Variants in SNTG1 observed in about 807,000 individuals in gnomAD.
The protein encoded by SNTG1 is syntrophin gamma 1.
Under a neutral mutation model 74.7 loss-of-function variants are expected in SNTG1, and 39 were observed. The observed-to-expected ratio is 0.52, with a 90% CI of 0.40 to 0.68. The LOEUF is 0.68. Among genes scored for constraint, SNTG1 ranks in the 30% least tolerant of loss-of-function variants. The pLI is 0.00. For synonymous variants in SNTG1, 254 were observed against 217.1 expected (o/e 1.17, Z -1.49); for missense variants, 685 against 609.5 (o/e 1.12, Z -1.30).
intron 2 of SNTG1, among the ~76,000 whole-genome samples, chr8:50,191,967 G>A (rs560153452): frequency 4.0e-4 from 61 of 152,182 alleles, no homozygotes; most frequent in Admixed American, 9.2e-4. Context: ...TTAAACTAAA[G>A]AGCTTTTGCA....
At chr8:50,437,999 T>A (rs2093321808) in intron 4 of SNTG1, among the ~76,000 whole-genome samples, 1 of 152,186 alleles carries the variant, frequency 6.6e-6, no homozygotes, top group Admixed American at 6.5e-5. Context: ...AATTTATTCA[T>A]TTTATGAACA....
At chr8:50,339,061 T>C (rs1315685660) in intron 2 of SNTG1, among the ~76,000 whole-genome samples, 2 of 152,078 alleles carry the variant, frequency 1.3e-5, no homozygotes, top group African/African-American at 4.8e-5. Flanking sequence ...AAAAATCACC[T>C]TACTTAGAGA....
At chr8:50,352,120 G>T (rs1399585572) in intron 2 of SNTG1, among the ~76,000 whole-genome samples, 1 of 152,168 alleles carries the variant, frequency 6.6e-6, no homozygotes, top group Non-Finnish European at 1.5e-5. Context: ...AGACTTCAGT[G>T]ATCTTATTTC....
intron 1 of SNTG1, among the ~76,000 whole-genome samples, chr8:50,158,432 T>C (rs1407248082): frequency 1.3e-5 from 2 of 152,090 alleles, no homozygotes; most frequent in African/African-American, 4.8e-5. Flanking sequence ...TCCCCAGGGA[T>C]TGACAATACT....
chr8:50,211,108 G>A (rs537206051), intron 2 of SNTG1, among the ~76,000 whole-genome samples: 22 of 152,196 alleles, frequency 1.4e-4, no homozygotes, highest in Non-Finnish European at 3.1e-4. Flanking sequence ...ATGTAATGTA[G>A]TATAATCATC....
At chr8:50,002,504 A>G (rs1000460721) in intron 1 of SNTG1, among the ~76,000 whole-genome samples, 1 of 152,176 alleles carries the variant, frequency 6.6e-6, no homozygotes, top group African/African-American at 2.4e-5. Flanking sequence ...AACAATAAAA[A>G]CAATAAGCAC....
At chr8:50,681,301 T>C (rs1444054344) in intron 15 of SNTG1, among the ~76,000 whole-genome samples, 1 of 152,098 alleles carries the variant, frequency 6.6e-6, no homozygotes, top group African/African-American at 2.4e-5. Context: ...TTTTTTTAAA[T>C]GTCATTTATG....
At chr8:50,739,609 C>A in intron 17 of SNTG1, among the ~76,000 whole-genome samples, 1 of 151,742 alleles carries the variant, frequency 6.6e-6, no homozygotes, top group East Asian at 1.9e-4. Context: ...TACGAGAAAA[C>A]AACATAGATA....
intron 1 of SNTG1, among the ~76,000 whole-genome samples, chr8:50,108,257 T>C (rs1031332019): frequency 6.6e-6 from 1 of 152,212 alleles, no homozygotes; most frequent in African/African-American, 2.4e-5. Context: ...ATGAACAGAA[T>C]ACTGTTATTT....
chr8:50,113,043 T>C (rs2080664228), intron 1 of SNTG1, among the ~76,000 whole-genome samples: 1 of 152,150 alleles, frequency 6.6e-6, no homozygotes, highest in Non-Finnish European at 1.5e-5. Flanking sequence ...TCCAGCTTTG[T>C]TCTTTTGGCT....
chr8:50,031,942 G>A (rs1468073525), intron 1 of SNTG1, among the ~76,000 whole-genome samples: 5 of 152,188 alleles, frequency 3.3e-5, no homozygotes, highest in East Asian at 3.9e-4. Flanking sequence ...TCATTTTTGA[G>A]AAGGTTTTAA....
At chr8:50,750,991 A>T (rs1161547703) in intron 17 of SNTG1, among the ~76,000 whole-genome samples, 1 of 152,006 alleles carries the variant, frequency 6.6e-6, no homozygotes, top group African/African-American at 2.4e-5. Context: ...TTCTTTCTTT[A>T]CTATTTTATC....
At chr8:50,283,794 G>A (rs919871529) in intron 2 of SNTG1, among the ~76,000 whole-genome samples, 1 of 151,996 alleles carries the variant, frequency 6.6e-6, no homozygotes, top group African/African-American at 2.4e-5. Context: ...ATGATACTCT[G>A]GGATCACACA....
rs548370177 is a variant in SNTG1 at position 50,601,088 on chromosome 8, G to A, written c.849+10171G>A. 1.5e-3 allele frequency among the ~76,000 whole-genome samples: 213 copies of A among 142,600 alleles called. 2 individuals carry two copies. Among genetic ancestry groups the A allele is most frequent in the African/African-American group, 4.5e-3 (170 of 37,900 alleles). The allele number at this position is 142,600 out of a possible 152,430, so 93.6% of individuals were successfully genotyped here. On this transcript the variant is annotated intron_variant, in intron 13 of 18. Transcript: ENST00000642720. The stretch of plus-strand genomic sequence containing the variant: ...TGGGAGAATCGCTTGAACCTGGGAG[G>A]TGGAGGTTTCAGTGAGCCGAGATCG...
At chr8:50,558,856 G>T (rs1328975411) in intron 12 of SNTG1, among the ~76,000 whole-genome samples, 2 of 152,014 alleles carry the variant, frequency 1.3e-5, no homozygotes, top group South Asian at 4.2e-4. Flanking sequence ...TTTACTAAAA[G>T]AAATATTCAG....
At chr8:50,692,663 G>T (rs979418456) in intron 15 of SNTG1, among the ~76,000 whole-genome samples, 4 of 152,272 alleles carry the variant, frequency 2.6e-5, no homozygotes, top group African/African-American at 9.6e-5. Context: ...CAACCCTACT[G>T]GGGGGTGCCT....
In SNTG1 at chr8:50,707,907, A is replaced by G. The variant is rs75754384; in HGVS notation, c.1192-979A>G. 2,724 of 393,488 alleles carry G rather than the reference A, an allele frequency of 6.9e-3. 12 individuals carry two copies. Among genetic ancestry groups the G allele is most frequent in the Non-Finnish European group, 9.6e-3 (2,144 of 223,306 alleles). The allele number at this position is 393,488 out of a possible 1,614,324, so 24.4% of individuals were successfully genotyped here. A position where few individuals can be genotyped will look rare whatever the true frequency, so the allele number is the denominator to read the frequency against. ...TCTTTATATTTCAGTATCCGTATTT[A>G]CTATGAAAAATTAGGCTGGGCACAG... On this transcript the variant is annotated intron_variant, in intron 16 of 18. Coordinates refer to ENST00000642720, the MANE Select transcript of SNTG1 (RefSeq NM_018967.5).
intron 13 of SNTG1, among the ~76,000 whole-genome samples, chr8:50,656,624 T>C (rs1364538224): frequency 6.6e-6 from 1 of 152,176 alleles, no homozygotes; most frequent in Non-Finnish European, 1.5e-5. Context: ...TAAGAATTGA[T>C]AGAGTGGGAA....
chr8:50,028,168 A>T (rs941571112), intron 1 of SNTG1, among the ~76,000 whole-genome samples: 1 of 152,174 alleles, frequency 6.6e-6, no homozygotes, highest in African/African-American at 2.4e-5. Flanking sequence ...CTCCATCTCT[A>T]TAATTCTGTC....
Sources: gnomAD v4.1 joint callset for allele counts (sites outside exome capture counted in the v4.1 genomes callset) on GRCh38, gnomAD v4.1.1 for gene constraint, MANE v1.5 for transcripts, NCBI Gene and HGNC (gene_info 2026-07-23, HGNC 2026-07-21) for gene names.